The following NAMPT variants were observed in gnomAD, a reference collection of about 807,000 sequenced individuals.
The protein encoded by NAMPT is NAmPRTase.
In NAMPT, 7 loss-of-function variants were observed where a neutral mutation model predicts 58.7. That is an observed-to-expected ratio of 0.12 (90% CI 0.07 to 0.22). The LOEUF (loss-of-function observed/expected upper bound fraction) is 0.22. Among genes scored for constraint, NAMPT ranks in the 10% least tolerant of loss-of-function variants. The pLI is 1.00. For synonymous variants in NAMPT, 145 were observed against 198.1 expected (o/e 0.73, Z 2.25); for missense variants, 271 against 567.9 (o/e 0.48, Z 5.31).
intron 8 of NAMPT, among the ~76,000 whole-genome samples, chr7:106,254,705 T>C (rs1431579871): frequency 2.0e-5 from 3 of 152,174 alleles, no homozygotes; most frequent in African/African-American, 7.2e-5. Context: ...GAGGATTTCA[T>C]GCATAGTTCC....
intron 8 of NAMPT, 125 bp downstream of exon 8, chr7:106,261,463 A>T (rs1792299377): frequency 2.6e-6 from 2 of 773,946 alleles, no homozygotes; most frequent in South Asian, 4.9e-5. Context: ...CAATGCACAG[A>T]GATTTATACC....
chr7:106,254,314 T>G (rs1190131663), intron 9 of NAMPT, 50 bp downstream of exon 9: 1 of 1,598,580 alleles, frequency 6.3e-7, no homozygotes, highest in Admixed American at 1.7e-5. Flanking sequence ...ACATTCTACC[T>G]AGATACATAA....
chr7:106,265,363 T>C (rs183099312), intron 6 of NAMPT, among the ~76,000 whole-genome samples: 1 of 152,070 alleles, frequency 6.6e-6, no homozygotes. Context: ...ACACCTGAAT[T>C]TTCCTGATGC....
chr7:106,260,300 T>A (rs1022969746), intron 8 of NAMPT, among the ~76,000 whole-genome samples: 1 of 152,216 alleles, frequency 6.6e-6, no homozygotes, highest in Non-Finnish European at 1.5e-5. Flanking sequence ...TCTGCACTCA[T>A]GGAGATGGCT....
chr7:106,253,359 G>A, intron 9 of NAMPT: 2 of 513,444 alleles, frequency 3.9e-6, no homozygotes, highest in South Asian at 2.3e-5. Flanking sequence ...GAAAAAGTAT[G>A]ACATCTTGGA....
At chr7:106,255,180 A>G (rs1792179055) in intron 8 of NAMPT, among the ~76,000 whole-genome samples, 1 of 152,192 alleles carries the variant, frequency 6.6e-6, no homozygotes, top group South Asian at 2.1e-4. Flanking sequence ...AACAGTTCTA[A>G]AAGAGTTCTT....
chr7:106,279,260 TA>T (rs1562819482), intron 1 of NAMPT, among the ~76,000 whole-genome samples: 1 of 152,226 alleles, frequency 6.6e-6, no homozygotes, highest in African/African-American at 2.4e-5. Flanking sequence ...GTATGAACTC[TA>T]AAAATCTTTG....
upstream of NAMPT, chr7:106,285,163 G>A (rs1255233398): frequency 2.4e-6 from 3 of 1,247,204 alleles, no homozygotes; most frequent in Non-Finnish European, 3.0e-6. Flanking sequence ...GTCACCCTCC[G>A]GGGGCCGAGA....
chr7:106,280,597 G>A (rs890592354), intron 1 of NAMPT, among the ~76,000 whole-genome samples: 2 of 152,048 alleles, frequency 1.3e-5, no homozygotes, highest in Non-Finnish European at 2.9e-5. Context: ...TCCTAAACTG[G>A]CATGGCCCTC....
rs531468570 is a variant in NAMPT at position 106,259,826 on chromosome 7, G to T, written c.1089+1762C>A. 8.8e-4 allele frequency among the ~76,000 whole-genome samples: 132 copies of T among 150,504 alleles called. 1 individual carries two copies. Among genetic ancestry groups the T allele is most frequent in the African/African-American group, 3.1e-3 (128 of 40,922 alleles). Reference sequence around the variant, plus strand: ...CATGAAAAACAACATTAACCTCTTTGTACATCTCCATCAGATCTCAGATGC... The same window carrying T: ...CATGAAAAACAACATTAACCTCTTTTTACATCTCCATCAGATCTCAGATGC... On this transcript the variant is annotated intron_variant, in intron 8 of 10. Transcript: ENST00000222553.
At chr7:106,253,883 A>C (rs1792148140) in intron 9 of NAMPT, among the ~76,000 whole-genome samples, 1 of 152,118 alleles carries the variant, frequency 6.6e-6, no homozygotes, top group South Asian at 2.1e-4. Flanking sequence ...CCAGCTCTCA[A>C]GACGTTACAA....
At chr7:106,269,427 A>T in intron 4 of NAMPT, 115 bp from the exon 5 acceptor site, 1 of 933,024 alleles carries the variant, frequency 1.1e-6, no homozygotes. Flanking sequence ...CATACTATTA[A>T]CTAGACACAG....
At chr7:106,285,246 C>T (rs1420681268), upstream of NAMPT, 6 of 926,866 alleles carry the variant, frequency 6.5e-6, no homozygotes, top group East Asian at 6.7e-5. Context: ...TGCACGCGCT[C>T]TTCCTCCCAG....
intron 2 of NAMPT, 65 bp from the exon 3 acceptor site, chr7:106,275,114 A>G: frequency 1.0e-6 from 1 of 1,001,790 alleles, no homozygotes; most frequent in African/African-American, 1.6e-5. Context: ...CTGAACTGTC[A>G]CAGACTTAAT....
intron 3 of NAMPT, among the ~76,000 whole-genome samples, chr7:106,274,129 C>G (rs939659168): frequency 6.7e-6 from 1 of 150,080 alleles, no homozygotes; most frequent in Non-Finnish European, 1.5e-5. Context: ...ATAATACAAT[C>G]AAGACTAAAA....
chr7:106,250,182 A>G lies in NAMPT; in HGVS notation c.*901T>C, dbSNP rs570805336. 6.6e-6 allele frequency: 1 copy of G among 152,490 alleles called. No homozygotes were observed. The highest frequency in any genetic ancestry group is 1.5e-5 in the Non-Finnish European group (1 of 67,954). The allele number at this position is 152,490 out of a possible 1,614,324, so 9.4% of individuals were successfully genotyped here. A position where few individuals can be genotyped will look rare whatever the true frequency, so the allele number is the denominator to read the frequency against. On this transcript the variant is annotated 3_prime_UTR_variant, in exon 11 of 11. Transcript: ENST00000222553. ...ATAGAATATGAAAAATAAATTCAGAAGTGTAATTACTTTAAAATACACTAC... is the reference window on the plus strand; with the variant it reads ...ATAGAATATGAAAAATAAATTCAGAGGTGTAATTACTTTAAAATACACTAC...
In NAMPT at chr7:106,250,310, G is replaced by A. The variant is rs1294087013; in HGVS notation, c.*773C>T. The A allele has an allele frequency of 1.3e-5, 2 of 152,276 alleles. No homozygotes were observed. Among genetic ancestry groups the A allele is most frequent in the Admixed American group, 1.3e-4 (2 of 15,218 alleles). The allele number at this position is 152,276 out of a possible 1,614,324, so 9.4% of individuals were successfully genotyped here. Reference sequence around the variant, plus strand: ...CCTTAAAATCTTGAGGTGCATATTAGAGCCACAGGCAATCTCTGACATATA... The same window carrying A: ...CCTTAAAATCTTGAGGTGCATATTAAAGCCACAGGCAATCTCTGACATATA... On this transcript the variant is annotated 3_prime_UTR_variant, in exon 11 of 11. Coordinates refer to ENST00000222553, the MANE Select transcript of NAMPT (RefSeq NM_005746.3).
chr7:106,285,232 G>A, upstream of NAMPT: 2 of 994,014 alleles, frequency 2.0e-6, no homozygotes, highest in Non-Finnish European at 2.5e-6. Flanking sequence ...GGAGGAGGAC[G>A]TGATGCACGC....
At chr7:106,255,666 T>A (rs2115729596) in intron 8 of NAMPT, among the ~76,000 whole-genome samples, 1 of 152,332 alleles carries the variant, frequency 6.6e-6, no homozygotes, top group Admixed American at 6.5e-5. Flanking sequence ...TGAAAACATA[T>A]AAAACTTATT....
Sources: allele counts gnomAD v4.1 joint callset (sites outside exome capture counted in the v4.1 genomes callset), GRCh38; gene constraint gnomAD v4.1.1; transcripts MANE v1.5; gene names NCBI Gene and HGNC (gene_info 2026-07-23, HGNC 2026-07-21).